Variants in ESRRG observed in about 807,000 individuals in gnomAD.
The protein encoded by ESRRG is estrogen-related receptor gamma.
Under a neutral mutation model 44.0 loss-of-function variants are expected in ESRRG, and 13 were observed. The observed-to-expected ratio is 0.30, with a 90% CI of 0.19 to 0.47. The LOEUF is 0.47. Among genes scored for constraint, ESRRG ranks in the 20% least tolerant of loss-of-function variants. The pLI, the probability that ESRRG is intolerant of heterozygous loss-of-function variation, is 1.00. For synonymous variants in ESRRG, 215 were observed against 214.6 expected (o/e 1.00, Z -0.02); for missense variants, 395 against 580.6 (o/e 0.68, Z 3.29).
intron 5 of ESRRG, among the ~76,000 whole-genome samples, chr1:216,539,339 G>A (rs2051978172): frequency 6.6e-6 from 1 of 151,856 alleles, no homozygotes. Flanking sequence ...GCATGTCCCT[G>A]ACATCACTTG....
At chr1:216,861,522 A>G (rs529971043) in intron 2 of ESRRG, among the ~76,000 whole-genome samples, 1 of 152,016 alleles carries the variant, frequency 6.6e-6, no homozygotes, top group South Asian at 2.1e-4. Context: ...TACTAAAAGC[A>G]AAAAAAATTT....
At chr1:217,007,704 C>T (rs920297052) in intron 1 of ESRRG, among the ~76,000 whole-genome samples, 5 of 152,094 alleles carry the variant, frequency 3.3e-5, no homozygotes, top group African/African-American at 9.7e-5. Flanking sequence ...TTACTTGGAC[C>T]GACTGACTTC....
chr1:216,526,758 T>A (rs551897016), intron 5 of ESRRG, among the ~76,000 whole-genome samples: 1 of 152,150 alleles, frequency 6.6e-6, no homozygotes, highest in Non-Finnish European at 1.5e-5. Flanking sequence ...GAGCTAATCA[T>A]GAAGCACAAG....
intron 1 of ESRRG, among the ~76,000 whole-genome samples, chr1:216,694,565 T>C (rs933082811): frequency 6.6e-6 from 1 of 152,066 alleles, no homozygotes; most frequent in African/African-American, 2.4e-5. Context: ...TTTTATTTTA[T>C]TTTATTTTTT....
chr1:217,136,761 A>T (rs997254292), intron 1 of ESRRG, among the ~76,000 whole-genome samples: 6 of 152,122 alleles, frequency 3.9e-5, no homozygotes, highest in Admixed American at 6.5e-5. Flanking sequence ...GTGCTTCCTT[A>T]AAAATAAAGC....
chr1:217,021,046 G>GCACA (rs1207335055), intron 1 of ESRRG, among the ~76,000 whole-genome samples: 3 of 65,574 alleles, frequency 4.6e-5, no homozygotes, highest in African/African-American at 1.9e-4. Context: ...ACCCTGCCAT[G>GCACA]CATACACACA....
At chr1:217,066,236 G>C (rs1314751265) in intron 1 of ESRRG, among the ~76,000 whole-genome samples, 1 of 150,728 alleles carries the variant, frequency 6.6e-6, no homozygotes, top group Non-Finnish European at 1.5e-5. Flanking sequence ...ATCCCATGGG[G>C]AGAATTCCTT....
At chr1:216,944,004 G>A (rs1195304367) in intron 1 of ESRRG, among the ~76,000 whole-genome samples, 1 of 152,180 alleles carries the variant, frequency 6.6e-6, no homozygotes, top group Non-Finnish European at 1.5e-5. Context: ...TATAATCTAT[G>A]TGATGCATCT....
chr1:216,795,342 C>CTT (rs35142972), intron 2 of ESRRG, among the ~76,000 whole-genome samples: 41 of 105,440 alleles, frequency 3.9e-4, no homozygotes, highest in South Asian at 6.3e-4. Context: ...TTTTCTTTTT[C>CTT]TTTTTTTTTT....
chr1:216,989,268 A>G (rs1157173748), intron 1 of ESRRG, among the ~76,000 whole-genome samples: 1 of 151,844 alleles, frequency 6.6e-6, no homozygotes. Flanking sequence ...GCAACATGAT[A>G]AAACCCCATC....
intron 2 of ESRRG, among the ~76,000 whole-genome samples, chr1:216,824,844 A>C (rs1489517150): frequency 6.6e-6 from 1 of 152,230 alleles, no homozygotes; most frequent in African/African-American, 2.4e-5. Context: ...GAAGATGGGA[A>C]GTAACGAACC....
chr1:216,877,689 T>C (rs1177566488), intron 2 of ESRRG, among the ~76,000 whole-genome samples: 1 of 152,038 alleles, frequency 6.6e-6, no homozygotes, highest in Non-Finnish European at 1.5e-5. Context: ...CGGGTGCCTA[T>C]ACATACATAC....
intron 1 of ESRRG, among the ~76,000 whole-genome samples, chr1:217,127,894 T>C (rs958618280): frequency 6.6e-6 from 1 of 152,222 alleles, no homozygotes; most frequent in Admixed American, 6.5e-5. Context: ...GTAGAAAACA[T>C]TTTCACATAT....
At chr1:216,973,517 CAGATGTTAAAGGATGGCTTTAACATCT>C (rs2072164029) in intron 1 of ESRRG, among the ~76,000 whole-genome samples, 1 of 152,164 alleles carries the variant, frequency 6.6e-6, no homozygotes, top group Non-Finnish European at 1.5e-5. Flanking sequence ...GACCCATATG[CAGATGTTAAAGGATGGCTTTAACATCT>C]TAACATGAGC....
At chr1:216,854,749 G>A (rs2095899280) in intron 2 of ESRRG, among the ~76,000 whole-genome samples, 1 of 151,980 alleles carries the variant, frequency 6.6e-6, no homozygotes, top group South Asian at 2.1e-4. Flanking sequence ...GTTAAGCATT[G>A]TTTACTACAC....
chr1:217,129,879 T>C (rs916475923), intron 1 of ESRRG, among the ~76,000 whole-genome samples: 1 of 151,940 alleles, frequency 6.6e-6, no homozygotes, highest in Non-Finnish European at 1.5e-5. Flanking sequence ...TGGATTCAGA[T>C]GGCGACGAAG....
intron 1 of ESRRG, among the ~76,000 whole-genome samples, chr1:217,038,566 G>A (rs1448447586): frequency 1.3e-5 from 2 of 152,180 alleles, no homozygotes; most frequent in African/African-American, 4.8e-5. Flanking sequence ...CTGTACCTTG[G>A]TCCCTTTTAG....
chr1:216,814,843 C>T (rs1244898568), intron 2 of ESRRG, among the ~76,000 whole-genome samples: 2 of 152,116 alleles, frequency 1.3e-5, no homozygotes, highest in African/African-American at 2.4e-5. Flanking sequence ...TCCCCAAGAA[C>T]GTAAAACTTA....
chr1:216,852,897 T>C (rs1412136477), intron 2 of ESRRG, among the ~76,000 whole-genome samples: 2 of 152,206 alleles, frequency 1.3e-5, no homozygotes, highest in Admixed American at 6.5e-5. Context: ...TGAGTCACTC[T>C]GACTATGGCC....
Sources: allele counts gnomAD v4.1 joint callset (sites outside exome capture counted in the v4.1 genomes callset), GRCh38; gene constraint gnomAD v4.1.1; transcripts MANE v1.5; gene names NCBI Gene and HGNC (gene_info 2026-07-23, HGNC 2026-07-21).